Variants in RBFOX3 observed in about 807,000 individuals in gnomAD.
RBFOX3 encodes RNA binding protein fox-1 homolog 3.
In RBFOX3, 17 loss-of-function variants were observed where a neutral mutation model predicts 48.7. The observed-to-expected ratio is 0.35, with a 90% CI of 0.24 to 0.52. RBFOX3 has a LOEUF of 0.52. Among genes scored for constraint, RBFOX3 ranks in the 20% least tolerant of loss-of-function variants. The pLI, the probability that RBFOX3 is intolerant of heterozygous loss-of-function variation, is 0.94. For synonymous variants in RBFOX3, 212 were observed against 209.5 expected (o/e 1.01, Z -0.10); for missense variants, 382 against 497.5 (o/e 0.77, Z 2.21).
intron 2 of RBFOX3, among the ~76,000 whole-genome samples, chr17:79,316,947 G>A (rs2077613900): frequency 6.6e-6 from 1 of 152,206 alleles, no homozygotes; most frequent in South Asian, 2.1e-4. Context: ...GTGCACATAT[G>A]CCTGCACACA....
chr17:79,370,669 C>G (rs1388824191), intron 2 of RBFOX3, among the ~76,000 whole-genome samples: 2 of 152,196 alleles, frequency 1.3e-5, no homozygotes, highest in Non-Finnish European at 2.9e-5. Context: ...CACACAGGCA[C>G]ACACATGTAC....
At chr17:79,179,248 G>A (rs1244613596) in intron 4 of RBFOX3, among the ~76,000 whole-genome samples, 3 of 152,202 alleles carry the variant, frequency 2.0e-5, no homozygotes, top group Non-Finnish European at 4.4e-5. Flanking sequence ...ACAGACCCTA[G>A]AATCCCCCTG....
chr17:79,098,069 G>C, intron 9 of RBFOX3: 1 of 343,664 alleles, frequency 2.9e-6, no homozygotes, highest in Non-Finnish European at 5.5e-6. Context: ...AAGAGAACTG[G>C]AGAGGGAAAG....
chr17:79,618,124 G>A, the RBFOX3 span, among the ~76,000 whole-genome samples: 5 of 152,198 alleles, frequency 3.3e-5, no homozygotes, highest in Admixed American at 6.5e-5. Context: ...AGGGTCCCAC[G>A]TCCACACCAC....
intron 4 of RBFOX3, among the ~76,000 whole-genome samples, chr17:79,147,562 G>C (rs1027828856): frequency 6.6e-6 from 1 of 152,164 alleles, no homozygotes; most frequent in Non-Finnish European, 1.5e-5. Context: ...GGGAGGGGGG[G>C]GGCTCACCTT....
rs980775574 is a variant in RBFOX3 at position 79,252,767 on chromosome 17, C to T, written c.-73-16962G>A. 1.3e-5 allele frequency among the ~76,000 whole-genome samples: 2 copies of T among 152,190 alleles called. No individual in the cohort carries two copies. Among genetic ancestry groups the T allele is most frequent in the African/African-American group, 2.4e-5 (1 of 41,456 alleles). The stretch of plus-strand genomic sequence containing the variant: ...CCCAGCCAACTGCCCCTCTCAATGC[C>T]CCTCTCCTTTCCCTTCCTTTTTGGG... On this transcript the variant is annotated intron_variant, in intron 3 of 14. Coordinates refer to ENST00000693108, the MANE Select transcript of RBFOX3 (RefSeq NM_001350451.2). This position sits in a 1 kb window ranked among gnomAD's most constrained non-coding sequence, Gnocchi z 4.0.
chr17:79,097,783 C>T (rs766665109), intron 9 of RBFOX3, 38 bp from the exon 10 acceptor site: 9 of 1,547,968 alleles, frequency 5.8e-6, no homozygotes, highest in Middle Eastern at 1.7e-4. Flanking sequence ...ACTGCCTTCC[C>T]CGACCCTTTT....
intron 14 of RBFOX3, among the ~76,000 whole-genome samples, chr17:79,091,167 C>T (rs1409855733): frequency 1.3e-5 from 2 of 152,222 alleles, no homozygotes; most frequent in Middle Eastern, 3.4e-3. Context: ...GCACAGGCTT[C>T]GAGGCGGCCT....
At chr17:79,106,588 G>A (rs989133213) in intron 6 of RBFOX3, 63 bp downstream of exon 6, 1 of 1,395,974 alleles carries the variant, frequency 7.2e-7, no homozygotes, top group Non-Finnish European at 9.3e-7. Context: ...CAGGGCCTGT[G>A]GGCGCCACCC....
intron 3 of RBFOX3, among the ~76,000 whole-genome samples, chr17:79,251,189 G>A (rs1306897273): frequency 6.6e-6 from 1 of 152,096 alleles, no homozygotes; most frequent in Non-Finnish European, 1.5e-5. Context: ...CACCCTGGAT[G>A]CTGTCTGTGC....
At chr17:79,213,632 T>C (rs2058655781) in intron 4 of RBFOX3, among the ~76,000 whole-genome samples, 1 of 152,300 alleles carries the variant, frequency 6.6e-6, no homozygotes, top group South Asian at 2.1e-4. Context: ...AGTCCTTCCA[T>C]CTTGGATGTC....
chr17:79,659,329 A>C, the RBFOX3 span, among the ~76,000 whole-genome samples: 1 of 152,216 alleles, frequency 6.6e-6, no homozygotes, highest in Non-Finnish European at 1.5e-5. Flanking sequence ...ATGATGTACC[A>C]GAGGGTATCT....
At chr17:79,381,491 G>A (rs1474402642) in intron 2 of RBFOX3, among the ~76,000 whole-genome samples, 1 of 152,180 alleles carries the variant, frequency 6.6e-6, no homozygotes, top group Non-Finnish European at 1.5e-5. Context: ...GGGGCTCGGG[G>A]CTGCCGTGTC....
chr17:79,396,102 G>C (rs993085038), intron 2 of RBFOX3, among the ~76,000 whole-genome samples: 7 of 152,250 alleles, frequency 4.6e-5, no homozygotes, highest in Non-Finnish European at 8.8e-5. Flanking sequence ...AAAAGTAACA[G>C]GGCAGGGTGC....
chr17:79,365,630 A>C (rs1254269202), intron 2 of RBFOX3, among the ~76,000 whole-genome samples: 1 of 152,262 alleles, frequency 6.6e-6, no homozygotes, highest in Non-Finnish European at 1.5e-5. Flanking sequence ...TATGTTTCCC[A>C]TACATGAATC....
chr17:79,188,865 G>A lies in RBFOX3; in HGVS notation c.-34+46901C>T, dbSNP rs1018702240. 3.3e-5 allele frequency among the ~76,000 whole-genome samples: 5 copies of A among 152,240 alleles called. No individual in the cohort carries two copies. In the East Asian group the frequency reaches 7.7e-4, roughly 23 times the overall value. ...TGGAAGCTGCGGCCCTGGAAAGCTCGTTGCAAGCTCCTGCTGCATCTGGGC... is the reference window on the plus strand; with the variant it reads ...TGGAAGCTGCGGCCCTGGAAAGCTCATTGCAAGCTCCTGCTGCATCTGGGC... On this transcript the variant is annotated intron_variant, in intron 4 of 14. Transcript: ENST00000693108.
At chr17:79,257,809 G>A (rs2065126108) in intron 3 of RBFOX3, among the ~76,000 whole-genome samples, 1 of 152,158 alleles carries the variant, frequency 6.6e-6, no homozygotes, top group Non-Finnish European at 1.5e-5. Context: ...TTGAACTCCT[G>A]AGCTCAGGCA....
At chr17:79,620,317 G>A in the RBFOX3 span, among the ~76,000 whole-genome samples, 1 of 141,852 alleles carries the variant, frequency 7.0e-6, no homozygotes, top group Non-Finnish European at 1.5e-5. Flanking sequence ...GCACAAATAT[G>A]TACATACACG....
At chr17:79,154,472 G>A (rs2045316418) in intron 4 of RBFOX3, among the ~76,000 whole-genome samples, 1 of 152,242 alleles carries the variant, frequency 6.6e-6, no homozygotes, top group Admixed American at 6.5e-5. Context: ...ATAAAGGAGT[G>A]AGTGCCTAAG....
Sources: allele counts gnomAD v4.1 joint callset (sites outside exome capture counted in the v4.1 genomes callset), GRCh38; gene constraint gnomAD v4.1.1; non-coding constraint Gnocchi (gnomAD v3.1); transcripts MANE v1.5; gene names NCBI Gene and HGNC (gene_info 2026-07-23, HGNC 2026-07-21).